SNAP91: variants seen among roughly 807,000 people sequenced by gnomAD.
SNAP91 encodes clathrin coat assembly protein AP180.
SNAP91 carries 27 observed loss-of-function variants against 100.3 expected under a neutral mutation model. The observed-to-expected ratio is 0.27, with a 90% CI of 0.20 to 0.37. The LOEUF (loss-of-function observed/expected upper bound fraction) is 0.37, where lower values mean the gene tolerates loss of function less well. SNAP91 is among the 10% of genes least tolerant of loss of function. SNAP91 has a pLI of 1.00. For synonymous variants in SNAP91, 404 were observed against 398.6 expected, an observed-to-expected ratio of 1.01 and a Z score of -0.16; for missense variants, 986 against 1,123.7, an observed-to-expected ratio of 0.88 and a Z score of 1.75.
rs1164130706 is a variant in SNAP91, at chr6:83,575,026, G to A, written c.2426C>T (p.Pro809Leu). 1.9e-6 allele frequency: 3 copies of A among 1,595,188 alleles called. No homozygotes were observed. The highest frequency in any genetic ancestry group is 3.5e-5 in the Admixed American group (2 of 57,418). Residue 809 changes from proline (P) to leucine (L), a missense_variant, in exon 26 of 30, where the codon CCA becomes CTA. By Grantham distance (98) the Pro-to-Leu change is moderately conservative (BLOSUM62 -3). Coordinates refer to ENST00000369694, the MANE Select transcript of SNAP91 (RefSeq NM_001242792.2). ...GCTACATACCAAAGGTGCACTTGGT[G>A]GAACGCCTGCTGACCAGGTTGCTGG... is the stretch of plus-strand genomic sequence containing the variant. ...VAPATWSAGVPPSAPLQGAVP... is the reference protein window; with the variant it reads ...VAPATWSAGVLPSAPLQGAVP...
chr6:83,706,846 A>T (rs2099388953), intron 2 of SNAP91, among the ~76,000 whole-genome samples: 1 of 152,232 alleles, frequency 6.6e-6, no homozygotes. Context: ...CTAAATAGCA[A>T]CTGCTGAACA....
intron 8 of SNAP91, among the ~76,000 whole-genome samples, chr6:83,628,240 T>TATATAC (rs2097046643): frequency 6.8e-6 from 1 of 147,898 alleles, no homozygotes; most frequent in African/African-American, 2.5e-5. Context: ...TATATATATA[T>TATATAC]ATATATCACA....
intron 7 of SNAP91, among the ~76,000 whole-genome samples, chr6:83,647,774 T>C (rs2098005420): frequency 6.6e-6 from 1 of 152,186 alleles, no homozygotes; most frequent in Non-Finnish European, 1.5e-5. Context: ...ACAAGCAAGG[T>C]ACATGTCAGT....
At chr6:83,670,230 G>C (rs576119681) in intron 2 of SNAP91, among the ~76,000 whole-genome samples, 2 of 140,768 alleles carry the variant, frequency 1.4e-5, no homozygotes, top group South Asian at 4.5e-4. Context: ...TCTCTGCTAA[G>C]ACTTGATATG....
At position 83,556,226 on chromosome 6, in the gene SNAP91, G is replaced by T. The variant is rs774229973; in HGVS notation, c.2651C>A (p.Pro884His). The T allele has an allele frequency of 3.8e-5, 60 of 1,569,178 alleles. No homozygotes were observed. The highest frequency in any genetic ancestry group is 4.8e-5 in the Non-Finnish European group (55 of 1,156,858). The change falls in exon 29 of 30, where the codon CCT becomes CAT. Residue 884 changes from proline to histidine, a missense_variant. Coordinates refer to ENST00000369694, the MANE Select transcript of SNAP91 (RefSeq NM_001242792.2). The part of the protein sequence containing the change: ...PGTQLSPSPT[P>H]ASQSPKKPPA... ...AGGTTTCTTGGGACTCTGACTGGCAGGTGTAGGGCTTGGAGAAAGCTAATG... is the reference window on the plus strand; with the variant it reads ...AGGTTTCTTGGGACTCTGACTGGCATGTGTAGGGCTTGGAGAAAGCTAATG...
At position 83,593,487 on chromosome 6, in the gene SNAP91, T is replaced by A. The variant is rs748249854; in HGVS notation, c.1687A>T (p.Ile563Phe). Residue 563 changes from isoleucine (I) to phenylalanine (F), a missense_variant, in exon 18 of 30, where the codon ATC becomes TTC. By Grantham distance (21) the Ile-to-Phe change is conservative. Around this residue, in one of 4 missense-constraint regions of SNAP91, gnomAD observed 575 missense variants for 579.9 expected, o/e 0.99. Coordinates refer to ENST00000369694, the MANE Select transcript of SNAP91 (RefSeq NM_001242792.2). ...AATAACAAAAAATTACCACCAAAGATATCTAGAGCAGGAGGAGCAGTGGTG... is the reference window on the plus strand; with the variant it reads ...AATAACAAAAAATTACCACCAAAGAAATCTAGAGCAGGAGGAGCAGTGGTG... Reference protein sequence around the residue: ...TATTAPPALDIFGDLFESTPE... With the variant: ...TATTAPPALDFFGDLFESTPE... 6.4e-7 allele frequency: 1 copy of A among 1,551,374 alleles called. No individual in the cohort carries two copies. Among genetic ancestry groups the A allele is most frequent in the Admixed American group, 2.0e-5 (1 of 50,984 alleles).
chr6:83,704,936 A>G (rs1356809803), intron 2 of SNAP91, among the ~76,000 whole-genome samples: 1 of 152,212 alleles, frequency 6.6e-6, no homozygotes, highest in African/African-American at 2.4e-5. Context: ...GCATGTTTTA[A>G]TAACAATTCA....
intron 2 of SNAP91, among the ~76,000 whole-genome samples, chr6:83,704,336 T>A (rs1227396767): frequency 6.6e-6 from 1 of 152,102 alleles, no homozygotes. Flanking sequence ...ATCACTATAG[T>A]CGAGTATGGA....
chr6:83,584,506 T>A (rs967041088), intron 22 of SNAP91, among the ~76,000 whole-genome samples: 3 of 151,498 alleles, frequency 2.0e-5, no homozygotes, highest in Non-Finnish European at 4.4e-5. Flanking sequence ...AGCTGTTCAC[T>A]GAAAAAAAAA....
chr6:83,578,503 A>G (rs1203468457), intron 24 of SNAP91, among the ~76,000 whole-genome samples: 3 of 152,174 alleles, frequency 2.0e-5, no homozygotes, highest in Non-Finnish European at 2.9e-5. Flanking sequence ...CCATCTGTAT[A>G]TATTCTTTGG....
At chr6:83,656,166 C>T (rs1227748508) in intron 7 of SNAP91, among the ~76,000 whole-genome samples, 2 of 152,098 alleles carry the variant, frequency 1.3e-5, no homozygotes, top group Non-Finnish European at 2.9e-5. Flanking sequence ...GGATTGGTGA[C>T]AAGGAGTTCT....
At position 83,626,940 on chromosome 6, in the gene SNAP91, A is replaced by G. The variant is rs74716653; in HGVS notation, c.766-3598T>C. Among the ~76,000 whole-genome samples, 141 of 152,134 alleles carry G rather than the reference A, an allele frequency of 9.3e-4. No homozygotes were observed. The East Asian group carries it at 0.013, about 14-fold the overall frequency. On this transcript the variant is annotated intron_variant, in intron 8 of 29. Transcript: ENST00000369694. ...GCATCATTTTCTTGTTCTAGTTCTT[A>G]AAGGGAATGCTTCCACCTTTTGCTC...
At chr6:83,653,586 T>C (rs926610553) in intron 7 of SNAP91, among the ~76,000 whole-genome samples, 1 of 152,156 alleles carries the variant, frequency 6.6e-6, no homozygotes, top group African/African-American at 2.4e-5. Context: ...CCCAGTCTGA[T>C]CATTCCTTCA....
intron 9 of SNAP91, among the ~76,000 whole-genome samples, chr6:83,621,678 C>CA (rs1453721537): frequency 3.3e-5 from 5 of 152,010 alleles, no homozygotes; most frequent in African/African-American, 1.2e-4. Flanking sequence ...ATGTTAAAAG[C>CA]AAAAACAGAT....
Position 83,556,310 on chromosome 6 carries a change from G to A in SNAP91, c.2632-65C>T, listed in dbSNP as rs955923892. ...AGCAGAGAGAGAATGAGACATGGGG[G>A]GAAGAGGGGGCAGGGGGAGAGAGGG... On this transcript the variant is annotated intron_variant, in intron 28 of 29. Coordinates refer to ENST00000369694, the MANE Select transcript of SNAP91 (RefSeq NM_001242792.2). The A allele has an allele frequency of 5.0e-5, 15 of 300,872 alleles. 1 individual carries two copies. The highest frequency in any genetic ancestry group is 3.6e-4 in the African/African-American group (14 of 39,434). The allele number at this position is 300,872 out of a possible 1,614,324, so 18.6% of individuals were successfully genotyped here.
intron 9 of SNAP91, among the ~76,000 whole-genome samples, chr6:83,621,431 A>G (rs1429409347): frequency 2.0e-5 from 3 of 152,184 alleles, no homozygotes; most frequent in African/African-American, 7.2e-5. Context: ...ATGAATTTCT[A>G]CCATAGAATA....
intron 6 of SNAP91, among the ~76,000 whole-genome samples, chr6:83,658,099 T>A (rs1002843245): frequency 2.0e-5 from 3 of 152,056 alleles, no homozygotes; most frequent in African/African-American, 7.2e-5. Context: ...TCAAAATTAA[T>A]TTTTTTATTT....
chr6:83,596,792 G>T (rs1466848868), intron 16 of SNAP91, among the ~76,000 whole-genome samples: 1 of 151,966 alleles, frequency 6.6e-6, no homozygotes, highest in Non-Finnish European at 1.5e-5. Flanking sequence ...GATGACTAAA[G>T]TTACACAGCA....
chr6:83,597,918 A>T (rs1433503486), intron 16 of SNAP91, among the ~76,000 whole-genome samples: 5 of 152,140 alleles, frequency 3.3e-5, no homozygotes, highest in African/African-American at 1.2e-4. Flanking sequence ...TAGTTTTTTG[A>T]CCAACATGTA....
Sources: gnomAD v4.1 joint callset for allele counts (sites outside exome capture counted in the v4.1 genomes callset) on GRCh38, gnomAD v4.1.1 for gene constraint, gnomAD v4.1.1 regional missense constraint, MANE v1.5 for transcripts, NCBI Gene and HGNC (gene_info 2026-07-23, HGNC 2026-07-21) for gene names.